The following FBXO17 variants were observed in gnomAD, a reference collection of about 807,000 sequenced individuals.
The protein encoded by FBXO17 is F-box only protein 17.
A neutral mutation model predicts 34.1 loss-of-function variants in FBXO17; 43 were observed. The ratio of observed to expected loss-of-function variants is 1.26; its 90% CI spans 0.99 to 1.62. The LOEUF (loss-of-function observed/expected upper bound fraction) is 1.62, where lower values mean the gene tolerates loss of function less well. FBXO17 is among the 40% of genes most tolerant of loss of function. The pLI is 0.00. For synonymous variants in FBXO17, 169 were observed against 166.0 expected (o/e 1.02, Z -0.14); for missense variants, 424 against 386.7 (o/e 1.10, Z -0.81).
intron 1 of FBXO17, among the ~76,000 whole-genome samples, chr19:38,974,420 C>A (rs1047672454): frequency 2.6e-5 from 4 of 151,912 alleles, no homozygotes; most frequent in African/African-American, 7.3e-5. Context: ...CTTAGCCAAG[C>A]CTTACAAAAA....
chr19:38,958,426 A>G (rs1277658408), intron 1 of FBXO17, among the ~76,000 whole-genome samples: 4 of 138,400 alleles, frequency 2.9e-5, no homozygotes, highest in African/African-American at 1.1e-4. Context: ...AAAAAAAAAA[A>G]AAGGAAAGAG....
chr19:38,958,812 T>C (rs770703717), intron 1 of FBXO17, among the ~76,000 whole-genome samples: 2 of 152,204 alleles, frequency 1.3e-5, no homozygotes, highest in Non-Finnish European at 1.5e-5. Context: ...GGGGTCCACA[T>C]TCCTCCCCTG....
Position 38,975,255 on chromosome 19 carries a change from G to A in FBXO17, c.-18+331C>T, listed in dbSNP as rs1230035319. Among the ~76,000 whole-genome samples the A allele has an allele frequency of 2.6e-5, 4 of 152,214 alleles. No individual in the cohort carries two copies. Among genetic ancestry groups the A allele is most frequent in the Non-Finnish European group, 5.9e-5 (4 of 68,034 alleles). ...CCCGGGCTGTTGCGCCCACGTGTTG[G>A]TTTGCAGCGTTTGGCAGGGGTTTTG... On this transcript the variant is annotated intron_variant, in intron 1 of 5. Coordinates refer to ENST00000292852, the MANE Select transcript of FBXO17 (RefSeq NM_024907.7). This position sits in a 1 kb window ranked among gnomAD's most constrained non-coding sequence, Gnocchi z 4.9.
rs1208504623 is a variant in FBXO17 at position 38,945,191 on chromosome 19, T to C, written c.558-87A>G. 27 of 1,540,574 alleles carry C rather than the reference T, an allele frequency of 1.8e-5. No individual in the cohort carries two copies. The South Asian group carries it at 2.5e-4, about 14-fold the overall frequency. On this transcript the variant is annotated intron_variant, in intron 4 of 5. Transcript: ENST00000292852. ...CGGGAGGCTGAGGGCTGGCTCCATC[T>C]TGATGAAGGTCCTGCACATCTGGAC...
rs969242067 is a variant in FBXO17 at position 38,970,640 on chromosome 19, G to A, written c.-18+4946C>T. Among the ~76,000 whole-genome samples, 10 of 152,256 alleles carry A rather than the reference G, an allele frequency of 6.6e-5. No homozygotes were observed. The East Asian group carries it at 1.9e-3, about 29-fold the overall frequency. On this transcript the variant is annotated intron_variant, in intron 1 of 5. Coordinates refer to ENST00000292852, the MANE Select transcript of FBXO17 (RefSeq NM_024907.7). ...TTTTCCCAGACCCATTTGGTGGCAG[G>A]AGCTGACTTGAGCTGTCATGAGGTT...
chr19:38,962,973 T>C lies in FBXO17; in HGVS notation c.-18+12613A>G, dbSNP rs559689583. Among the ~76,000 whole-genome samples the C allele has an allele frequency of 9.9e-5, 15 of 152,260 alleles. No individual in the cohort carries two copies. In the South Asian group the frequency reaches 3.1e-3, roughly 32 times the overall value. ...GATCCACCTGCCTTGCCTCCCAAAG[T>C]GCTGGGATTACAGGTGTGAGCCATT... On this transcript the variant is annotated intron_variant, in intron 1 of 5. Transcript: ENST00000292852.
intron 1 of FBXO17, among the ~76,000 whole-genome samples, chr19:38,955,570 G>A (rs985652251): frequency 6.8e-6 from 1 of 147,564 alleles, no homozygotes; most frequent in Non-Finnish European, 1.5e-5. Flanking sequence ...TGCAACCTCT[G>A]GCTCCCAGGT....
At chr19:38,971,912 T>C (rs1444263009) in intron 1 of FBXO17, among the ~76,000 whole-genome samples, 1 of 152,158 alleles carries the variant, frequency 6.6e-6, no homozygotes, top group Non-Finnish European at 1.5e-5. Context: ...ACAGCTACTG[T>C]TAACTGAGCA....
At chr19:38,969,563 T>C (rs1296686370) in intron 1 of FBXO17, among the ~76,000 whole-genome samples, 1 of 151,020 alleles carries the variant, frequency 6.6e-6, no homozygotes, top group Non-Finnish European at 1.5e-5. Context: ...GGAATCCATT[T>C]GGAATCACTT....
At chr19:38,944,124 T>G (rs1974935941) in intron 5 of FBXO17, among the ~76,000 whole-genome samples, 1 of 152,196 alleles carries the variant, frequency 6.6e-6, no homozygotes, top group Admixed American at 6.5e-5. Flanking sequence ...TCTTTCAGCA[T>G]CATGTTTTCA....
intron 1 of FBXO17, among the ~76,000 whole-genome samples, chr19:38,951,493 A>C (rs1469202696): frequency 1.3e-5 from 2 of 149,362 alleles, no homozygotes; most frequent in Non-Finnish European, 3.0e-5. Flanking sequence ...TCTTGATCAC[A>C]ATGCCCTTCT....
chr19:38,951,149 C>T (rs1227967620), intron 1 of FBXO17, among the ~76,000 whole-genome samples: 1 of 152,084 alleles, frequency 6.6e-6, no homozygotes, highest in Non-Finnish European at 1.5e-5. Context: ...AAGTCATCAA[C>T]CTCCTCGGAC....
At chr19:38,946,748 C>G in intron 3 of FBXO17, 181 bp from the exon 4 acceptor site, 1 of 850,880 alleles carries the variant, frequency 1.2e-6, no homozygotes, top group Non-Finnish European at 1.8e-6. Context: ...TCTTGGAGTC[C>G]CTTTGCCATT....
chr19:38,944,256 C>CATTATTATTATTATT (rs55839664), intron 5 of FBXO17, among the ~76,000 whole-genome samples: 26,390 of 146,304 alleles, frequency 0.18, 2,971 homozygotes, highest in East Asian at 0.35. Context: ...TGATCTGACT[C>CATTATTATTATTATT]ATTATTATTA....
In FBXO17 at chr19:38,948,581, G is replaced by T; in HGVS notation, c.447C>A (p.Phe149Leu). The stretch of plus-strand genomic sequence containing the variant: ...GGGCCACTCACTCGAAAGAGGTCAC[G>T]AAGCAGGTCTGCGAAGGAGCCCCAG... ...PVPGAPSQTC[F>L]VTSFEWCSKR... Residue 149 changes from phenylalanine to leucine, a missense_variant, in exon 3 of 6, where the codon TTC becomes TTA. Coordinates refer to ENST00000292852, the MANE Select transcript of FBXO17 (RefSeq NM_024907.7). 1 of 1,613,950 alleles carries T rather than the reference G, an allele frequency of 6.2e-7. No homozygotes were observed. Among genetic ancestry groups the T allele is most frequent in the Non-Finnish European group, 8.5e-7 (1 of 1,179,882 alleles).
At position 38,965,334 on chromosome 19, in the gene FBXO17, C is replaced by T. The variant is rs867038172; in HGVS notation, c.-18+10252G>A. Among the ~76,000 whole-genome samples, 16 of 143,446 alleles carry T rather than the reference C, an allele frequency of 1.1e-4. No individual in the cohort carries two copies. In the South Asian group the frequency reaches 1.8e-3, roughly 16 times the overall value. The allele number at this position is 143,446 out of a possible 152,430, so 94.1% of individuals were successfully genotyped here. ...GCCATCTCAACATTCTTTTTCTTTT[C>T]TTTTTTTTTTTTGAGATGGAGTCTC... On this transcript the variant is annotated intron_variant, in intron 1 of 5. Transcript: ENST00000292852.
Position 38,950,044 on chromosome 19 carries a change from C to G in FBXO17, c.276G>C (p.Pro92=). The G allele has an allele frequency of 6.4e-7, 1 of 1,567,678 alleles. No homozygotes were observed. Among genetic ancestry groups the G allele is most frequent in the East Asian group, 2.4e-5 (1 of 41,956 alleles). Residue 92 remains proline, a synonymous_variant, in exon 2 of 6, where the codon CCG becomes CCC. Coordinates refer to ENST00000292852, the MANE Select transcript of FBXO17 (RefSeq NM_024907.7). ...LPSNEDKEEF[P]LCALARYCLR... is the part of the protein sequence containing the mutation. ...GACAGTAGCGCGCCAGGGCGCACAG[C>G]GGGAACTCCTCCTTGTCTTCGTTGC...
chr19:38,948,727 A>G, intron 2 of FBXO17, 49 bp from the exon 3 acceptor site: 1 of 1,545,320 alleles, frequency 6.5e-7, no homozygotes, highest in Non-Finnish European at 8.9e-7. Flanking sequence ...CAGCCTGCCC[A>G]GAAGAGACCC....
At chr19:38,955,566 C>T (rs1975156136) in intron 1 of FBXO17, among the ~76,000 whole-genome samples, 1 of 151,528 alleles carries the variant, frequency 6.6e-6, no homozygotes. Context: ...TCACTGCAAC[C>T]TCTGGCTCCC....
Sources: allele counts gnomAD v4.1 joint callset (sites outside exome capture counted in the v4.1 genomes callset), GRCh38; gene constraint gnomAD v4.1.1; non-coding constraint Gnocchi (gnomAD v3.1); transcripts MANE v1.5; gene names NCBI Gene and HGNC (gene_info 2026-07-23, HGNC 2026-07-21).